GPC6: variants seen among roughly 807,000 people sequenced by gnomAD.
GPC6 encodes the protein glypican 6.
A neutral mutation model predicts 55.2 loss-of-function variants in GPC6; 14 were observed. That is an observed-to-expected ratio of 0.25 (90% CI 0.17 to 0.40). The LOEUF is 0.40. GPC6 is among the 10% of genes least tolerant of loss of function. GPC6 has a pLI of 1.00. For missense variants in GPC6, 641 were observed against 708.5 expected, an observed-to-expected ratio of 0.90 and a Z score of 1.08; for synonymous variants, 278 against 259.6, an observed-to-expected ratio of 1.07 and a Z score of -0.68.
chr13:93,649,851 T>C (rs1413916664), intron 2 of GPC6, among the ~76,000 whole-genome samples: 1 of 152,202 alleles, frequency 6.6e-6, no homozygotes, highest in Non-Finnish European at 1.5e-5. Context: ...AAACACAATA[T>C]TTTAAATATC....
Position 93,322,279 on chromosome 13 carries a change from C to T in GPC6, c.160+94663C>T, listed in dbSNP as rs1459569448. Among the ~76,000 whole-genome samples, 4 of 152,140 alleles carry T rather than the reference C, an allele frequency of 2.6e-5. No individual in the cohort carries two copies. In the South Asian group the frequency reaches 8.3e-4, roughly 32 times the overall value. On this transcript the variant is annotated intron_variant, in intron 1 of 8. Transcript: ENST00000377047. ...AGCCTAGTACCCATTAGTTATTTTT[C>T]CTGATCCTCTCTCTCTTTGTTCACC...
intron 4 of GPC6, among the ~76,000 whole-genome samples, chr13:94,068,027 A>G (rs1444726282): frequency 1.3e-5 from 2 of 152,210 alleles, no homozygotes; most frequent in Non-Finnish European, 2.9e-5. Context: ...AAAATTAAAT[A>G]AGGTGCTGTT....
intron 1 of GPC6, among the ~76,000 whole-genome samples, chr13:93,431,752 G>T (rs1048245051): frequency 5.9e-5 from 9 of 152,144 alleles, no homozygotes; most frequent in Admixed American, 5.2e-4. Context: ...AATTTGGCAC[G>T]CAGAAAAAGA....
intron 2 of GPC6, among the ~76,000 whole-genome samples, chr13:93,684,773 T>TA (rs544599521): frequency 1.7e-3 from 258 of 151,948 alleles, no homozygotes; most frequent in Non-Finnish European, 1.9e-3. Context: ...CTCTAAATGT[T>TA]AAAAAAAAGA....
chr13:93,471,422 T>A (rs1486376882), intron 1 of GPC6, among the ~76,000 whole-genome samples: 1 of 150,908 alleles, frequency 6.6e-6, no homozygotes, highest in Non-Finnish European at 1.5e-5. Context: ...CCCAGCTACT[T>A]GAGAGGCTGA....
At chr13:93,774,052 C>T (rs1885384594) in intron 2 of GPC6, among the ~76,000 whole-genome samples, 1 of 152,132 alleles carries the variant, frequency 6.6e-6, no homozygotes, top group Non-Finnish European at 1.5e-5. Context: ...CTGACAGATC[C>T]GTGGGCATAG....
intron 2 of GPC6, among the ~76,000 whole-genome samples, chr13:93,625,153 T>A (rs529366462): frequency 3.9e-5 from 6 of 152,330 alleles, no homozygotes; most frequent in African/African-American, 1.4e-4. Flanking sequence ...AGTTTTTTTT[T>A]ATTTTAGAGT....
intron 4 of GPC6, among the ~76,000 whole-genome samples, chr13:94,199,383 G>T (rs1889683506): frequency 6.6e-6 from 1 of 152,148 alleles, no homozygotes; most frequent in African/African-American, 2.4e-5. Flanking sequence ...GAATTGTATG[G>T]CAGAATGAAA....
At chr13:94,245,447 A>G (rs556940602) in intron 4 of GPC6, among the ~76,000 whole-genome samples, 4 of 152,030 alleles carry the variant, frequency 2.6e-5, no homozygotes, top group African/African-American at 2.4e-5. Flanking sequence ...GCACATTCCT[A>G]TAGTCCCAGC....
At chr13:93,418,905 A>G (rs1442985945) in intron 1 of GPC6, among the ~76,000 whole-genome samples, 3 of 150,640 alleles carry the variant, frequency 2.0e-5, no homozygotes, top group Non-Finnish European at 3.0e-5. Context: ...GCACGATACC[A>G]TAGTATTATT....
intron 1 of GPC6, among the ~76,000 whole-genome samples, chr13:93,317,205 C>T (rs940187001): frequency 6.6e-6 from 1 of 152,056 alleles, no homozygotes; most frequent in Non-Finnish European, 1.5e-5. Flanking sequence ...CTTTCATTAG[C>T]ATTTTCTTTC....
intron 1 of GPC6, among the ~76,000 whole-genome samples, chr13:93,328,390 A>G (rs1879728221): frequency 6.6e-6 from 1 of 152,110 alleles, no homozygotes; most frequent in African/African-American, 2.4e-5. Context: ...AATGTCACTC[A>G]GGGCTGGGTG....
upstream of GPC6, among the ~76,000 whole-genome samples, chr13:93,224,823 A>T (rs1453684528): frequency 6.6e-6 from 1 of 152,216 alleles, no homozygotes; most frequent in African/African-American, 2.4e-5. Context: ...AAAGCAAGTT[A>T]TCTAATTCTT....
chr13:93,596,606 A>T lies in GPC6; in HGVS notation c.319+51185A>T, dbSNP rs527552482. 3.5e-3 allele frequency among the ~76,000 whole-genome samples: 190 copies of T among 54,752 alleles called. 1 individual carries two copies. The highest frequency in any genetic ancestry group is 0.031 in the Middle Eastern group (4 of 130). The allele number at this position is 54,752 out of a possible 152,430, so 35.9% of individuals were successfully genotyped here. ...AGGATGTGAAATAAATAAATAAATA[A>T]ATAAATATATATATATATATATATA... is the stretch of plus-strand genomic sequence containing the variant. On this transcript the variant is annotated intron_variant, in intron 2 of 8. Coordinates refer to ENST00000377047, the MANE Select transcript of GPC6 (RefSeq NM_005708.5).
chr13:93,391,691 C>G (rs757089150), intron 1 of GPC6, among the ~76,000 whole-genome samples: 31 of 152,104 alleles, frequency 2.0e-4, no homozygotes, highest in Non-Finnish European at 4.0e-4. Flanking sequence ...TTCTGCCACC[C>G]CCTCAGGGTG....
chr13:93,343,040 CTCTTA>C (rs1447452290), intron 1 of GPC6, among the ~76,000 whole-genome samples: 2 of 152,068 alleles, frequency 1.3e-5, no homozygotes, highest in Admixed American at 1.3e-4. Flanking sequence ...TTGCAGGTCT[CTCTTA>C]TCTTTACTCA....
At chr13:94,205,175 T>C (rs1889866036) in intron 4 of GPC6, among the ~76,000 whole-genome samples, 1 of 152,182 alleles carries the variant, frequency 6.6e-6, no homozygotes, top group Non-Finnish European at 1.5e-5. Flanking sequence ...TCTTTTGAGC[T>C]TCTATTTGGT....
chr13:94,186,889 T>C (rs146383730), intron 4 of GPC6: 4 of 152,360 alleles, frequency 2.6e-5, no homozygotes, highest in African/African-American at 9.6e-5. Context: ...GCTATGTTTC[T>C]GTAGTATGGA....
intron 2 of GPC6, among the ~76,000 whole-genome samples, chr13:93,741,807 A>C (rs1884212347): frequency 6.6e-6 from 1 of 152,148 alleles, no homozygotes; most frequent in Admixed American, 6.5e-5. Context: ...ACTTTCCATT[A>C]GTCTTTATAC....
Sources: allele counts gnomAD v4.1 joint callset (sites outside exome capture counted in the v4.1 genomes callset), GRCh38; gene constraint gnomAD v4.1.1; transcripts MANE v1.5; gene names NCBI Gene and HGNC (gene_info 2026-07-23, HGNC 2026-07-21).